The following PPP2R2B variants were observed in gnomAD, a reference collection of about 807,000 sequenced individuals.
PPP2R2B encodes serine/threonine-protein phosphatase 2A 55 kDa regulatory subunit B beta isoform.
A neutral mutation model predicts 46.0 loss-of-function variants in PPP2R2B; 5 were observed. That is an observed-to-expected ratio of 0.11 (90% CI 0.06 to 0.23). PPP2R2B has a LOEUF of 0.23. PPP2R2B is among the 10% of genes least tolerant of loss of function. The pLI is 1.00. For synonymous variants in PPP2R2B, 215 were observed against 206.7 expected (o/e 1.04, Z -0.34); for missense variants, 367 against 575.0 (o/e 0.64, Z 3.70).
At chr5:146,592,622 G>A (rs1180815997) in intron 9 of PPP2R2B, among the ~76,000 whole-genome samples, 1 of 152,220 alleles carries the variant, frequency 6.6e-6, no homozygotes, top group Non-Finnish European at 1.5e-5. Flanking sequence ...AAGCCTACTT[G>A]GCATTAATCT....
intron 2 of PPP2R2B, among the ~76,000 whole-genome samples, chr5:146,738,698 G>C (rs1264342598): frequency 6.6e-6 from 1 of 152,136 alleles, no homozygotes; most frequent in Non-Finnish European, 1.5e-5. Flanking sequence ...CTCATGGGCA[G>C]AGAGCACCTT....
At chr5:147,062,257 T>C (rs1290023090) in intron 2 of PPP2R2B, among the ~76,000 whole-genome samples, 2 of 152,214 alleles carry the variant, frequency 1.3e-5, no homozygotes, top group African/African-American at 4.8e-5. Context: ...TAGGTTTGTG[T>C]AAGTGCACTC....
chr5:147,040,694 C>T (rs192695380), intron 1 of PPP2R2B: 15 of 433,960 alleles, frequency 3.5e-5, no homozygotes, highest in East Asian at 7.0e-5. Flanking sequence ...TTAGGTACTC[C>T]GTGTGAGGAA....
intron 2 of PPP2R2B, among the ~76,000 whole-genome samples, chr5:146,804,540 G>A (rs1405246214): frequency 2.6e-5 from 4 of 152,146 alleles, no homozygotes; most frequent in Admixed American, 2.6e-4. Context: ...TTGAGAGCCA[G>A]GGTTGTGACT....
intron 5 of PPP2R2B, among the ~76,000 whole-genome samples, chr5:146,664,723 C>T (rs1213528564): frequency 1.3e-5 from 2 of 152,138 alleles, no homozygotes; most frequent in Non-Finnish European, 2.9e-5. Context: ...GTTCAATTTA[C>T]TTTGTTCAGA....
chr5:146,689,446 A>C (rs1385714676), intron 5 of PPP2R2B, among the ~76,000 whole-genome samples: 1 of 152,220 alleles, frequency 6.6e-6, no homozygotes, highest in Non-Finnish European at 1.5e-5. Context: ...ATTGCTTACT[A>C]TTCAACACAG....
chr5:146,929,629 A>G (rs985348383), intron 1 of PPP2R2B, among the ~76,000 whole-genome samples: 10 of 152,206 alleles, frequency 6.6e-5, no homozygotes, highest in Non-Finnish European at 1.5e-5. Context: ...GAAGTCCTAC[A>G]GGAAAAAAAT....
intron 2 of PPP2R2B, among the ~76,000 whole-genome samples, chr5:146,811,727 ATTT>A (rs1163716544): frequency 8.2e-6 from 1 of 121,236 alleles, no homozygotes; most frequent in African/African-American, 3.1e-5. Context: ...CGCCCGGCTA[ATTT>A]TTTTTTTTTT....
At chr5:147,033,508 C>A (rs78839383) in intron 1 of PPP2R2B, among the ~76,000 whole-genome samples, 1 of 151,958 alleles carries the variant, frequency 6.6e-6, no homozygotes, top group Non-Finnish European at 1.5e-5. Context: ...GGAATGAACC[C>A]GAGAAGATAC....
At chr5:146,875,364 G>T (rs1429243975) in intron 2 of PPP2R2B, among the ~76,000 whole-genome samples, 1 of 152,120 alleles carries the variant, frequency 6.6e-6, no homozygotes, top group Non-Finnish European at 1.5e-5. Context: ...TTTATTAAAT[G>T]CACACCATGC....
chr5:147,024,563 A>C (rs955066620), intron 1 of PPP2R2B, among the ~76,000 whole-genome samples: 14 of 152,182 alleles, frequency 9.2e-5, no homozygotes, highest in African/African-American at 3.4e-4. Flanking sequence ...GAGATCATAT[A>C]CTGGGCTACA....
At chr5:146,786,637 T>A (rs1755854840) in intron 2 of PPP2R2B, among the ~76,000 whole-genome samples, 1 of 152,204 alleles carries the variant, frequency 6.6e-6, no homozygotes, top group African/African-American at 2.4e-5. Context: ...TATAAACCCT[T>A]TTAGTCCTTT....
At chr5:146,689,758 C>A (rs902372317) in intron 5 of PPP2R2B, among the ~76,000 whole-genome samples, 38 of 152,182 alleles carry the variant, frequency 2.5e-4, no homozygotes, top group African/African-American at 8.9e-4. Flanking sequence ...TTCAGAGCAT[C>A]AAGCCTGGAT....
At chr5:146,930,226 T>G (rs1006680839) in intron 1 of PPP2R2B, among the ~76,000 whole-genome samples, 1 of 152,012 alleles carries the variant, frequency 6.6e-6, no homozygotes, top group Non-Finnish European at 1.5e-5. Flanking sequence ...TCAGTGAGGA[T>G]CCAGTCAAGC....
In PPP2R2B at chr5:146,830,089, T is replaced by C. The variant is rs534959948; in HGVS notation, c.70+47913A>G. On this transcript the variant is annotated intron_variant, in intron 2 of 9. Transcript: ENST00000394411. ...ATACAGTCAATGCTCAATAGATGTTTCTTTTTTATTCTTATTTTTGTTATT... is the reference window on the plus strand; with the variant it reads ...ATACAGTCAATGCTCAATAGATGTTCCTTTTTTATTCTTATTTTTGTTATT... 3.3e-5 allele frequency among the ~76,000 whole-genome samples: 5 copies of C among 152,320 alleles called. No homozygotes were observed. In the South Asian group the frequency reaches 8.3e-4, roughly 25 times the overall value.
intron 1 of PPP2R2B, among the ~76,000 whole-genome samples, chr5:146,889,265 A>G (rs914474892): frequency 2.6e-5 from 4 of 152,176 alleles, no homozygotes; most frequent in Admixed American, 6.5e-5. Context: ...GGTAATCTGT[A>G]TCATATATGA....
At chr5:146,740,104 T>C (rs1423603715) in intron 2 of PPP2R2B, among the ~76,000 whole-genome samples, 4 of 152,180 alleles carry the variant, frequency 2.6e-5, no homozygotes, top group African/African-American at 7.2e-5. Flanking sequence ...GGAAATGTAG[T>C]TTGGGAGCCC....
intron 7 of PPP2R2B, among the ~76,000 whole-genome samples, chr5:146,620,252 A>G (rs1302324472): frequency 1.3e-5 from 2 of 152,218 alleles, no homozygotes; most frequent in Non-Finnish European, 2.9e-5. Context: ...CTGTCAATCT[A>G]AAGACTGAAT....
intron 2 of PPP2R2B, among the ~76,000 whole-genome samples, chr5:146,780,491 AG>A (rs1755444274): frequency 6.6e-6 from 1 of 152,216 alleles, no homozygotes; most frequent in African/African-American, 2.4e-5. Context: ...ACTGTCCGAT[AG>A]CAAAAATGAC....
Sources: allele counts gnomAD v4.1 joint callset (sites outside exome capture counted in the v4.1 genomes callset), GRCh38; gene constraint gnomAD v4.1.1; transcripts MANE v1.5; gene names NCBI Gene and HGNC (gene_info 2026-07-23, HGNC 2026-07-21).